AK9: variants seen among roughly 807,000 people sequenced by gnomAD.
AK9 encodes the protein adenylate kinase domain containing 1.
A neutral mutation model predicts 239.6 loss-of-function variants in AK9; 191 were observed. That is an observed-to-expected ratio of 0.80 (90% CI 0.71 to 0.90). AK9 has a LOEUF of 0.90. AK9 is among the 40% of genes least tolerant of loss of function. The pLI is 0.00. For synonymous variants in AK9, 689 were observed against 721.0 expected, an observed-to-expected ratio of 0.96 and a Z score of 0.71; for missense variants, 1,995 against 2,214.7, an observed-to-expected ratio of 0.90 and a Z score of 1.99.
chr6:109,677,277 T>C (rs1186880596), intron 1 of AK9, among the ~76,000 whole-genome samples: 4 of 152,096 alleles, frequency 2.6e-5, no homozygotes, highest in Admixed American at 2.6e-4. Flanking sequence ...AGCAAAAATA[T>C]TTTTTAAAAA....
At chr6:109,574,652 C>T (rs1787834690) in intron 20 of AK9, among the ~76,000 whole-genome samples, 1 of 152,076 alleles carries the variant, frequency 6.6e-6, no homozygotes, top group Non-Finnish European at 1.5e-5. Flanking sequence ...CTGAATTTTA[C>T]CCATAGACCC....
At chr6:109,499,496 G>C (rs542507684) in intron 35 of AK9, among the ~76,000 whole-genome samples, 1 of 151,714 alleles carries the variant, frequency 6.6e-6, no homozygotes, top group African/African-American at 2.4e-5. Context: ...ATACTTTTTT[G>C]CATATAGTAT....
In AK9 at chr6:109,662,568, C is replaced by A; in HGVS notation, c.427G>T (p.Val143Phe). Residue 143 changes from valine (V) to phenylalanine (F), a missense_variant, in exon 6 of 41, where the codon GTT becomes TTT. Coordinates refer to ENST00000424296, the MANE Select transcript of AK9 (RefSeq NM_001145128.3). ...ATCCTTACCTTTATATTGATTATAA[C>A]ATCAGGTTTCAGGTTTAAGTTTTTA... The part of the protein sequence containing the change: ...LIKNLNLKPD[V>F]IINIKCPDYD... The A allele has an allele frequency of 6.4e-7, 1 of 1,557,168 alleles. No individual in the cohort carries two copies. Among genetic ancestry groups the A allele is most frequent in the South Asian group, 1.2e-5 (1 of 81,296 alleles).
intron 12 of AK9, among the ~76,000 whole-genome samples, chr6:109,620,971 ACTGTCAATT>A (rs1422822139): frequency 1.3e-5 from 2 of 152,026 alleles, no homozygotes; most frequent in Admixed American, 1.3e-4. Context: ...TATCCTTTGA[ACTGTCAATT>A]CTGTTTTATG....
intron 29 of AK9, chr6:109,528,521 G>T (rs1166983571): frequency 2.4e-5 from 11 of 456,344 alleles, no homozygotes; most frequent in East Asian, 1.4e-4. Context: ...CAGTCCAATG[G>T]TTTTTTCTTA....
intron 35 of AK9, 42 bp downstream of exon 35, chr6:109,506,285 T>C: frequency 6.3e-7 from 1 of 1,577,594 alleles, no homozygotes; most frequent in Non-Finnish European, 8.7e-7. Flanking sequence ...TGTTTACACT[T>C]GAAATTAATA....
At chr6:109,674,543 A>C (rs1267818476) in intron 2 of AK9, among the ~76,000 whole-genome samples, 1 of 152,226 alleles carries the variant, frequency 6.6e-6, no homozygotes, top group Non-Finnish European at 1.5e-5. Context: ...CACAATTTTA[A>C]CTGTCAATTT....
At chr6:109,527,679 T>C (rs1280165813) in intron 29 of AK9, 1 of 152,210 alleles carries the variant, frequency 6.6e-6, no homozygotes, top group East Asian at 1.9e-4. Flanking sequence ...TGCTGCGAGT[T>C]TGTTTGTATC....
intron 35 of AK9, among the ~76,000 whole-genome samples, chr6:109,501,653 G>A (rs899753228): frequency 6.6e-6 from 1 of 152,156 alleles, no homozygotes; most frequent in Non-Finnish European, 1.5e-5. Flanking sequence ...AAGGTCTTTA[G>A]GACATAAACT....
chr6:109,586,137 T>C, intron 17 of AK9, 65 bp from the exon 18 acceptor site: 1 of 1,285,866 alleles, frequency 7.8e-7, no homozygotes, highest in Non-Finnish European at 1.0e-6. Flanking sequence ...AACCTTGATA[T>C]GTAATTTTTG....
intron 5 of AK9, among the ~76,000 whole-genome samples, chr6:109,667,214 C>A (rs552020876): frequency 6.6e-6 from 1 of 151,910 alleles, no homozygotes; most frequent in Non-Finnish European, 1.5e-5. Flanking sequence ...AATACTCTGC[C>A]GTGTGATGTC....
At chr6:109,565,911 G>T (rs1786423214) in intron 21 of AK9, among the ~76,000 whole-genome samples, 1 of 152,124 alleles carries the variant, frequency 6.6e-6, no homozygotes, top group African/African-American at 2.4e-5. Flanking sequence ...AATAGAGCAG[G>T]AAGTAGAAGG....
At chr6:109,572,344 A>G (rs1199238141) in intron 21 of AK9, among the ~76,000 whole-genome samples, 2 of 152,208 alleles carry the variant, frequency 1.3e-5, no homozygotes, top group Non-Finnish European at 2.9e-5. Flanking sequence ...GTAGATGACG[A>G]TACAATATTC....
At chr6:109,688,314 C>T (rs1213559046) in intron 1 of AK9, among the ~76,000 whole-genome samples, 2 of 152,176 alleles carry the variant, frequency 1.3e-5, no homozygotes, top group Non-Finnish European at 2.9e-5. Flanking sequence ...ACCCCTTCAC[C>T]TTTAAAGGGG....
intron 27 of AK9, among the ~76,000 whole-genome samples, chr6:109,539,238 A>G (rs1782496136): frequency 6.6e-6 from 1 of 152,164 alleles, no homozygotes; most frequent in African/African-American, 2.4e-5. Context: ...TTTCAGGTAC[A>G]CCAATCAGAC....
intron 1 of AK9, among the ~76,000 whole-genome samples, chr6:109,680,985 T>G (rs1772542498): frequency 6.6e-6 from 1 of 152,134 alleles, no homozygotes; most frequent in South Asian, 2.1e-4. Flanking sequence ...TACCAGCCAC[T>G]GAAAAACATA....
intron 12 of AK9, among the ~76,000 whole-genome samples, chr6:109,619,576 G>T (rs1794582386): frequency 6.6e-6 from 1 of 151,660 alleles, no homozygotes; most frequent in Non-Finnish European, 1.5e-5. Flanking sequence ...TACAATAAAA[G>T]GCATACATCT....
rs1783496693 is a variant in AK9 at position 109,545,918 on chromosome 6, C to G, written c.3174G>C (p.Glu1058Asp). 1 of 1,613,446 alleles carries G rather than the reference C, an allele frequency of 6.2e-7. No homozygotes were observed. Among genetic ancestry groups the G allele is most frequent in the East Asian group, 2.2e-5 (1 of 44,890 alleles). ...NEQAAKQELEELAIQANVKVE... is the reference protein window; with the variant it reads ...NEQAAKQELEDLAIQANVKVE... ...CTTTGACATTGGCCTGAATTGCAAG[C>G]TCTTCAAGTTCTTGTTTGGCAGCTT... The change falls in exon 26 of 41, where the codon GAG (glutamate) becomes GAC (aspartate). Residue 1058 changes from glutamate to aspartate, a missense_variant. Around this residue, in one of 5 missense-constraint regions of AK9, gnomAD observed 1,290 missense variants for 1,392.7 expected, o/e 0.93. Coordinates refer to ENST00000424296, the MANE Select transcript of AK9 (RefSeq NM_001145128.3).
At chr6:109,672,067 A>G (rs547992343) in intron 4 of AK9, 48 bp downstream of exon 4, 2 of 1,611,896 alleles carry the variant, frequency 1.2e-6, no homozygotes, top group Admixed American at 1.7e-5. Context: ...TCTATGATAC[A>G]GAGCTTTTTT....
Sources: allele counts gnomAD v4.1 joint callset (sites outside exome capture counted in the v4.1 genomes callset), GRCh38; gene constraint gnomAD v4.1.1; regional missense constraint gnomAD v4.1.1; transcripts MANE v1.5; gene names NCBI Gene and HGNC (gene_info 2026-07-23, HGNC 2026-07-21).